Variants in PGR observed in about 807,000 individuals in gnomAD.
PGR encodes nuclear receptor subfamily 3 group C member 3.
Under a neutral mutation model 76.1 loss-of-function variants are expected in PGR, and 25 were observed. The observed-to-expected ratio is 0.33, with a 90% CI of 0.24 to 0.46. The LOEUF (loss-of-function observed/expected upper bound fraction) is 0.46, where lower values mean the gene tolerates loss of function less well. Among genes scored for constraint, PGR ranks in the 20% least tolerant of loss-of-function variants. The pLI is 1.00. For synonymous variants in PGR, 579 were observed against 535.0 expected, an observed-to-expected ratio of 1.08 and a Z score of -1.14; for missense variants, 1,172 against 1,225.3, an observed-to-expected ratio of 0.96 and a Z score of 0.65.
At chr11:101,099,485 T>G (rs1326662147) in intron 2 of PGR, among the ~76,000 whole-genome samples, 2 of 152,296 alleles carry the variant, frequency 1.3e-5, no homozygotes, top group Admixed American at 1.3e-4. Context: ...TAACATCGTT[T>G]CATTTACCTA....
chr11:101,058,238 A>AATC (rs1327958000), intron 4 of PGR, among the ~76,000 whole-genome samples: 1 of 152,194 alleles, frequency 6.6e-6, no homozygotes, highest in Non-Finnish European at 1.5e-5. Context: ...TGCCACTGGC[A>AATC]ATCATAATTT....
At chr11:101,089,953 C>T (rs1042663800) in intron 3 of PGR, among the ~76,000 whole-genome samples, 1 of 152,198 alleles carries the variant, frequency 6.6e-6, no homozygotes, top group African/African-American at 2.4e-5. Context: ...AATCCCAGCA[C>T]TTTAGAAGGC....
At chr11:101,075,953 C>G (rs1208299520) in intron 3 of PGR, among the ~76,000 whole-genome samples, 1 of 152,158 alleles carries the variant, frequency 6.6e-6, no homozygotes, top group Non-Finnish European at 1.5e-5. Flanking sequence ...TTTGACCCAG[C>G]AATCCCGTTA....
intron 4 of PGR, among the ~76,000 whole-genome samples, chr11:101,053,712 CTCCT>C (rs1860187693): frequency 6.8e-6 from 1 of 148,052 alleles, no homozygotes; most frequent in African/African-American, 2.6e-5. Context: ...TCCTCCCTCC[CTCCT>C]TTCTTCCTTC....
At chr11:101,126,649 T>G (rs1437228188) in intron 1 of PGR, among the ~76,000 whole-genome samples, 1 of 152,216 alleles carries the variant, frequency 6.6e-6, no homozygotes, top group Non-Finnish European at 1.5e-5. Context: ...TTTAAAGTAT[T>G]GTCCAATACA....
intron 2 of PGR, among the ~76,000 whole-genome samples, chr11:101,113,996 ACACT>A (rs914888358): frequency 4.9e-4 from 74 of 152,316 alleles, no homozygotes; most frequent in African/African-American, 9.1e-4. Context: ...GCACAAAGAA[ACACT>A]CACTGAAGTG....
At chr11:101,060,182 T>G (rs974856324) in intron 4 of PGR, among the ~76,000 whole-genome samples, 35 of 152,098 alleles carry the variant, frequency 2.3e-4, no homozygotes, top group East Asian at 2.1e-3. Context: ...ATTTATATTG[T>G]GTGTGTGTGC....
At chr11:101,086,505 G>A (rs1038258982) in intron 3 of PGR, among the ~76,000 whole-genome samples, 2 of 152,090 alleles carry the variant, frequency 1.3e-5, no homozygotes, top group Non-Finnish European at 2.9e-5. Flanking sequence ...GCAAAAGCTG[G>A]AAGAATTTTC....
At chr11:101,040,497 T>TAG (rs1332704246) in intron 7 of PGR, among the ~76,000 whole-genome samples, 1 of 152,104 alleles carries the variant, frequency 6.6e-6, no homozygotes, top group Admixed American at 6.6e-5. Flanking sequence ...CATGCTGCCA[T>TAG]TGTACTTGTT....
intron 4 of PGR, among the ~76,000 whole-genome samples, chr11:101,056,260 G>GTGAC (rs1860287934): frequency 6.6e-6 from 1 of 150,586 alleles, no homozygotes; most frequent in African/African-American, 2.4e-5. Context: ...TTCCTTTTAA[G>GTGAC]TGACTTGACC....
rs1190904688 is a variant in PGR, at chr11:101,031,443, C to G, written c.*7673G>C. 4.4e-6 allele frequency: 1 copy of G among 227,648 alleles called. No homozygotes were observed. Among genetic ancestry groups the G allele is most frequent in the East Asian group, 6.3e-5 (1 of 15,922 alleles). The allele number at this position is 227,648 out of a possible 1,614,324, so 14.1% of individuals were successfully genotyped here. On this transcript the variant is annotated 3_prime_UTR_variant, in exon 8 of 8. Coordinates refer to ENST00000325455, the MANE Select transcript of PGR (RefSeq NM_000926.4). ...TTGATGGAAATTGAATAAGGTAATC[C>G]AAAAAGAAGGCTCTTTTAGATGAAA...
chr11:101,053,154 T>G (rs1390488127), intron 4 of PGR, among the ~76,000 whole-genome samples: 1 of 152,218 alleles, frequency 6.6e-6, no homozygotes, highest in Non-Finnish European at 1.5e-5. Context: ...TAAAAACATC[T>G]ATTTTCTCTA....
At chr11:101,067,662 C>T (rs1860765996) in intron 3 of PGR, among the ~76,000 whole-genome samples, 1 of 151,910 alleles carries the variant, frequency 6.6e-6, no homozygotes, top group South Asian at 2.1e-4. Context: ...AAATAATGTT[C>T]ACAATTGAAC....
At position 101,050,851 on chromosome 11, in the gene PGR, T is replaced by C. The variant is rs555972061; in HGVS notation, c.2357+573A>G. The C allele has an allele frequency of 1.3e-3, 220 of 167,860 alleles. 2 individuals carry two copies. The highest frequency in any genetic ancestry group is 5.1e-3 in the African/African-American group (213 of 41,746). The allele number at this position is 167,860 out of a possible 1,614,324, so 10.4% of individuals were successfully genotyped here. A position where few individuals can be genotyped will look rare whatever the true frequency, so the allele number is the denominator to read the frequency against. On this transcript the variant is annotated intron_variant, in intron 5 of 7. Coordinates refer to ENST00000325455, the MANE Select transcript of PGR (RefSeq NM_000926.4). ...CAAGGAATTGTTGGATAAAATGTAATGAAACATGAAAATTATCTAAAAACT... is the reference window on the plus strand; with the variant it reads ...CAAGGAATTGTTGGATAAAATGTAACGAAACATGAAAATTATCTAAAAACT...
chr11:101,080,136 G>T (rs768447694), intron 3 of PGR, among the ~76,000 whole-genome samples: 3 of 152,156 alleles, frequency 2.0e-5, no homozygotes, highest in African/African-American at 7.2e-5. Context: ...TCTCCTTGGG[G>T]CTGAGCAGGG....
At chr11:101,054,208 T>C (rs1591374676) in intron 4 of PGR, among the ~76,000 whole-genome samples, 1 of 152,126 alleles carries the variant, frequency 6.6e-6, no homozygotes, top group East Asian at 1.9e-4. Context: ...TTCTTTTGTT[T>C]TTAAAAGTCA....
chr11:101,098,393 T>C (rs1861900903), intron 2 of PGR, among the ~76,000 whole-genome samples: 1 of 152,066 alleles, frequency 6.6e-6, no homozygotes, highest in Non-Finnish European at 1.5e-5. Context: ...CATAGTCAAA[T>C]GGCAGGAAAT....
At chr11:101,088,886 C>A (rs1861584998) in intron 3 of PGR, among the ~76,000 whole-genome samples, 1 of 152,152 alleles carries the variant, frequency 6.6e-6, no homozygotes, top group African/African-American at 2.4e-5. Flanking sequence ...TTTGCAGCAG[C>A]ATGGATGTAG....
rs1859475878 is a variant in PGR at position 101,035,400 on chromosome 11, G to A, written c.*3716C>T. 6 of 231,058 alleles carry A rather than the reference G, an allele frequency of 2.6e-5. No homozygotes were observed. In the Admixed American group the frequency reaches 3.4e-4, roughly 13 times the overall value. The allele number at this position is 231,058 out of a possible 1,614,324, so 14.3% of individuals were successfully genotyped here. On this transcript the variant is annotated 3_prime_UTR_variant, in exon 8 of 8. Coordinates refer to ENST00000325455, the MANE Select transcript of PGR (RefSeq NM_000926.4). ...GGTATTCACAGCAAAAACTAAAAATGTAATAGCCATCCTTCCAAAGCAATA... is the reference window on the plus strand; with the variant it reads ...GGTATTCACAGCAAAAACTAAAAATATAATAGCCATCCTTCCAAAGCAATA...
Sources: gnomAD v4.1 joint callset for allele counts (sites outside exome capture counted in the v4.1 genomes callset) on GRCh38, gnomAD v4.1.1 for gene constraint, MANE v1.5 for transcripts, NCBI Gene and HGNC (gene_info 2026-07-23, HGNC 2026-07-21) for gene names.